DPP6: variants seen among roughly 807,000 people sequenced by gnomAD.
DPP6 encodes dipeptidyl peptidase like 6.
In DPP6, 69 loss-of-function variants were observed where a neutral mutation model predicts 122.6. That is an observed-to-expected ratio of 0.56 (90% CI 0.46 to 0.69). DPP6 has a LOEUF of 0.69. Among genes scored for constraint, DPP6 ranks in the 30% least tolerant of loss-of-function variants. The pLI is 0.00. For missense variants in DPP6, 928 were observed against 1,116.9 expected (o/e 0.83, Z 2.41); for synonymous variants, 418 against 433.1 (o/e 0.97, Z 0.43).
chr7:154,527,412 G>A (rs1827490645), intron 3 of DPP6, among the ~76,000 whole-genome samples: 1 of 152,044 alleles, frequency 6.6e-6, no homozygotes, highest in Non-Finnish European at 1.5e-5. Context: ...ACTGCAGTGT[G>A]GATACTGGAG....
At chr7:154,769,309 C>T in intron 8 of DPP6, 108 bp from the exon 9 acceptor site, 1 of 1,417,918 alleles carries the variant, frequency 7.1e-7, no homozygotes, top group Non-Finnish European at 9.7e-7. Context: ...AGATAAGGGG[C>T]TCTGCAGGGA....
At chr7:154,438,463 C>G (rs561792091) in intron 1 of DPP6, among the ~76,000 whole-genome samples, 4 of 76,166 alleles carry the variant, frequency 5.3e-5, no homozygotes, top group African/African-American at 2.1e-4. Flanking sequence ...GAGTGAGACT[C>G]CAACTCAAAA....
At chr7:154,156,137 G>T (rs1796667001) in intron 1 of DPP6, among the ~76,000 whole-genome samples, 3 of 152,330 alleles carry the variant, frequency 2.0e-5, no homozygotes, top group Admixed American at 1.3e-4. Flanking sequence ...GCCCTGAGGA[G>T]CTCTGGGACT....
chr7:154,351,430 A>G (rs1245830260), intron 1 of DPP6, among the ~76,000 whole-genome samples: 1 of 152,192 alleles, frequency 6.6e-6, no homozygotes, highest in Non-Finnish European at 1.5e-5. Flanking sequence ...GGAGCCAAAA[A>G]TAGCAGCTGA....
chr7:154,651,804 C>T (rs1326978737), intron 6 of DPP6, among the ~76,000 whole-genome samples: 1 of 152,164 alleles, frequency 6.6e-6, no homozygotes, highest in Non-Finnish European at 1.5e-5. Context: ...AACATCACCC[C>T]TTGGGGCTTC....
chr7:154,543,285 A>G (rs1470364395), intron 4 of DPP6, among the ~76,000 whole-genome samples: 3 of 152,080 alleles, frequency 2.0e-5, no homozygotes, highest in African/African-American at 7.2e-5. Context: ...TGTGGTCAGC[A>G]GAATTTTAAA....
At chr7:154,492,633 G>C (rs550096632) in intron 3 of DPP6, among the ~76,000 whole-genome samples, 2 of 152,242 alleles carry the variant, frequency 1.3e-5, no homozygotes, top group Non-Finnish European at 2.9e-5. Context: ...CTGCTGGCTG[G>C]TGGTATCTCC....
the DPP6 span, among the ~76,000 whole-genome samples, chr7:153,867,525 G>T: frequency 1.3e-5 from 2 of 152,214 alleles, no homozygotes; most frequent in African/African-American, 4.8e-5. Context: ...TGCTGAAGTT[G>T]CTTATCAGCT....
chr7:153,982,064 T>C (rs1265484391), intron 1 of DPP6, among the ~76,000 whole-genome samples: 2 of 152,084 alleles, frequency 1.3e-5, no homozygotes, highest in African/African-American at 4.8e-5. Context: ...GTGTTCTCTG[T>C]ATTTCCTGAA....
chr7:154,250,128 G>T (rs1473385935), intron 1 of DPP6, among the ~76,000 whole-genome samples: 3 of 152,050 alleles, frequency 2.0e-5, no homozygotes, highest in Non-Finnish European at 4.4e-5. Context: ...AATTGATCAC[G>T]ACCCTCTCAA....
At chr7:154,635,606 A>G (rs1334938535) in intron 5 of DPP6, among the ~76,000 whole-genome samples, 1 of 152,244 alleles carries the variant, frequency 6.6e-6, no homozygotes. Context: ...TAAGACAGCC[A>G]ACATTTAATC....
intron 4 of DPP6, among the ~76,000 whole-genome samples, chr7:154,549,843 G>A (rs1467883226): frequency 6.6e-6 from 1 of 152,182 alleles, no homozygotes. Context: ...GTCTCTGGAC[G>A]ATCATTATTT....
rs114439852 is a variant in DPP6 at position 154,241,152 on chromosome 7, A to G, written c.243+188089A>G. Reference sequence around the variant, plus strand: ...CCAATGATTGGGCACAAATATAAACATATTGCTGCACAGTAGGTAATTCAA... The same window carrying G: ...CCAATGATTGGGCACAAATATAAACGTATTGCTGCACAGTAGGTAATTCAA... On this transcript the variant is annotated intron_variant, in intron 1 of 25. Transcript: ENST00000377770. The surrounding 1 kb of genome is among the most constrained non-coding windows in gnomAD (Gnocchi z 9.0). Among the ~76,000 whole-genome samples the G allele has an allele frequency of 4.5e-3, 688 of 151,306 alleles. 5 individuals are homozygous for G. The highest frequency in any genetic ancestry group is 0.015 in the African/African-American group (634 of 41,266).
chr7:154,196,217 C>T (rs907175410), intron 1 of DPP6, among the ~76,000 whole-genome samples: 1 of 152,132 alleles, frequency 6.6e-6, no homozygotes, highest in African/African-American at 2.4e-5. Context: ...GGGCCGGGCA[C>T]GGTGGCTCAT....
intron 3 of DPP6, among the ~76,000 whole-genome samples, chr7:154,514,025 A>G (rs953237598): frequency 6.6e-6 from 1 of 152,184 alleles, no homozygotes; most frequent in Non-Finnish European, 1.5e-5. Flanking sequence ...CTGTAATCCT[A>G]TCACTTTGGG....
At chr7:154,577,014 C>T (rs989186661) in intron 5 of DPP6, among the ~76,000 whole-genome samples, 40 of 152,152 alleles carry the variant, frequency 2.6e-4, no homozygotes, top group African/African-American at 9.4e-4. Context: ...GTGGGGATAT[C>T]AGAAGGTAAG....
the DPP6 span, among the ~76,000 whole-genome samples, chr7:153,754,746 T>G: frequency 2.0e-5 from 3 of 152,316 alleles, no homozygotes; most frequent in African/African-American, 7.2e-5. Context: ...TTTTTCAGAT[T>G]TAATTTCTGT....
chr7:154,101,986 G>A (rs924144373), intron 1 of DPP6, among the ~76,000 whole-genome samples: 8 of 146,614 alleles, frequency 5.5e-5, no homozygotes, highest in African/African-American at 7.7e-5. Flanking sequence ...TGCTCCTACC[G>A]TCTTACTCAT....
At chr7:154,667,703 T>C (rs1015867508) in intron 6 of DPP6, among the ~76,000 whole-genome samples, 2 of 152,112 alleles carry the variant, frequency 1.3e-5, no homozygotes, top group African/African-American at 4.8e-5. Context: ...GCCTGAGCGA[T>C]AGAGCAAGAC....
Sources: allele counts gnomAD v4.1 joint callset (sites outside exome capture counted in the v4.1 genomes callset), GRCh38; gene constraint gnomAD v4.1.1; non-coding constraint Gnocchi (gnomAD v3.1); transcripts MANE v1.5; gene names NCBI Gene and HGNC (gene_info 2026-07-23, HGNC 2026-07-21).